DOC2B: variants seen among roughly 807,000 people sequenced by gnomAD.
DOC2B encodes the protein double C2-like domain-containing protein beta.
In DOC2B, 21 loss-of-function variants were observed where a neutral mutation model predicts 28.9. The observed-to-expected ratio is 0.73, with a 90% CI of 0.52 to 1.05. DOC2B has a LOEUF of 1.05. Among genes scored for constraint, DOC2B ranks in the 50% least tolerant of loss-of-function variants. The probability of loss-of-function intolerance (pLI) is 0.00; values close to 1 mark genes in which losing one functional copy is unlikely to be tolerated. For synonymous variants in DOC2B, 194 were observed against 178.1 expected (o/e 1.09, Z -0.71); for missense variants, 384 against 421.1 (o/e 0.91, Z 0.77).
intron 5 of DOC2B, among the ~76,000 whole-genome samples, chr17:156,880 G>T (rs1230794661): frequency 6.6e-6 from 1 of 152,204 alleles, no homozygotes; most frequent in Non-Finnish European, 1.5e-5. Flanking sequence ...TGCCCAGCTG[G>T]TTCTTACTTT....
At chr17:154,181 C>T (rs1046433785) in intron 6 of DOC2B, among the ~76,000 whole-genome samples, 3 of 150,576 alleles carry the variant, frequency 2.0e-5, no homozygotes, top group African/African-American at 7.4e-5. Context: ...TGATATTCCA[C>T]GCACCTGCTA....
rs2040011779 is a variant in DOC2B, at chr17:145,414, T to C, written c.*2027A>G. 1 of 152,206 alleles carries C rather than the reference T, an allele frequency of 6.6e-6. No homozygotes were observed. The highest frequency in any genetic ancestry group is 1.5e-5 in the Non-Finnish European group (1 of 68,060). The allele number at this position is 152,206 out of a possible 1,614,324, so 9.4% of individuals were successfully genotyped here. On this transcript the variant is annotated 3_prime_UTR_variant, in exon 9 of 9. Transcript: ENST00000613549. Reference sequence around the variant, plus strand: ...ACTACTCAGACTCTGGGAACCTGTTTCACCTGCAAGATGGGGATGAGAATC... The same window carrying C: ...ACTACTCAGACTCTGGGAACCTGTTCCACCTGCAAGATGGGGATGAGAATC...
intron 1 of DOC2B, among the ~76,000 whole-genome samples, chr17:178,010 T>C (rs1184729203): frequency 2.6e-5 from 4 of 152,262 alleles, no homozygotes; most frequent in African/African-American, 9.6e-5. Flanking sequence ...TGGGGACTTC[T>C]GGGAGAGGTT....
At chr17:152,675 G>A (rs1597816093) in intron 6 of DOC2B, among the ~76,000 whole-genome samples, 1 of 152,202 alleles carries the variant, frequency 6.6e-6, no homozygotes, top group African/African-American at 2.4e-5. Context: ...AGGAGGCTGA[G>A]GGGGAAGGAC....
At chr17:177,552 C>G (rs1345672130) in intron 1 of DOC2B, among the ~76,000 whole-genome samples, 3 of 152,364 alleles carry the variant, frequency 2.0e-5, no homozygotes, top group African/African-American at 7.2e-5. Flanking sequence ...GCTGAGCCCT[C>G]TCTGTGAGTG....
chr17:172,572 TCTC>T lies in DOC2B; in HGVS notation c.415_417del (p.Glu139del), dbSNP rs772430564. The T allele has an allele frequency of 3.6e-5, 56 of 1,550,790 alleles. No homozygotes were observed. Among genetic ancestry groups the T allele is most frequent in the Non-Finnish European group, 4.7e-5 (54 of 1,146,508 alleles). The stretch of plus-strand genomic sequence containing the variant: ...GTGATGGTGCAGTGGAGGGCGTTGT[TCTC>T]CTGGTCATACAGCAGGCTGAAGTCC... On this transcript the variant is annotated inframe_deletion, in exon 2 of 9. Transcript: ENST00000613549.
At chr17:153,602 G>A (rs2040096502) in intron 6 of DOC2B, among the ~76,000 whole-genome samples, 1 of 152,056 alleles carries the variant, frequency 6.6e-6, no homozygotes, top group Non-Finnish European at 1.5e-5. Flanking sequence ...TTGGGAAGCT[G>A]AGGGATGAGA....
chr17:162,448 A>T (rs2040216175), intron 3 of DOC2B, among the ~76,000 whole-genome samples: 1 of 152,160 alleles, frequency 6.6e-6, no homozygotes, highest in Non-Finnish European at 1.5e-5. Flanking sequence ...ACAGTCAGGG[A>T]CGTCACCAAG....
In DOC2B at chr17:164,271, T is replaced by C. The variant is rs1241856490; in HGVS notation, c.454-67A>G. The C allele has an allele frequency of 3.5e-5, 45 of 1,275,096 alleles. 3 individuals are homozygous for C. In the South Asian group the frequency reaches 5.5e-4, roughly 16 times the overall value. 79.0% of individuals were successfully genotyped at this position (1,275,096 alleles called of 1,614,324 possible). A position where few individuals can be genotyped will look rare whatever the true frequency, so the allele number is the denominator to read the frequency against. On this transcript the variant is annotated intron_variant, in intron 2 of 8. Coordinates refer to ENST00000613549, the MANE Select transcript of DOC2B (RefSeq NM_003585.5). ...ACATGGAACTGACAGGGCCTGCAGATGCCCTTGTCCCCTGGGTCTCCTGGC... is the reference window on the plus strand; with the variant it reads ...ACATGGAACTGACAGGGCCTGCAGACGCCCTTGTCCCCTGGGTCTCCTGGC...
chr17:153,167 GGC>G (rs1240216595), intron 6 of DOC2B, among the ~76,000 whole-genome samples: 2 of 152,176 alleles, frequency 1.3e-5, no homozygotes, highest in Non-Finnish European at 1.5e-5. Context: ...CACGTGACCT[GGC>G]CCACGGCTGG....
intron 6 of DOC2B, among the ~76,000 whole-genome samples, chr17:155,703 G>T (rs543251237): frequency 7.9e-5 from 12 of 152,342 alleles, no homozygotes; most frequent in Admixed American, 7.8e-4. Context: ...CTGCGGCCCA[G>T]GCCACCTGGC....
At chr17:175,023 T>G (rs1203706333) in intron 1 of DOC2B, among the ~76,000 whole-genome samples, 4 of 152,228 alleles carry the variant, frequency 2.6e-5, no homozygotes, top group Non-Finnish European at 5.9e-5. Flanking sequence ...GTGGATCACT[T>G]GAGCCCAGGA....
At chr17:150,991 C>A (rs971846001) in intron 6 of DOC2B, among the ~76,000 whole-genome samples, 2 of 152,190 alleles carry the variant, frequency 1.3e-5, no homozygotes, top group African/African-American at 4.8e-5. Context: ...AGACAGAAAA[C>A]AGGTGAGTGG....
chr17:148,148 C>T (rs1383682289), intron 8 of DOC2B, 25 bp downstream of exon 8: 6 of 398,570 alleles, frequency 1.5e-5, no homozygotes, highest in Non-Finnish European at 2.2e-5. Flanking sequence ...CACAGTGAGA[C>T]GGTGTTCCCA....
chr17:153,120 A>G (rs2040090460), intron 6 of DOC2B, among the ~76,000 whole-genome samples: 1 of 152,098 alleles, frequency 6.6e-6, no homozygotes. Context: ...GCTCAGATAC[A>G]GGGAGTGGCC....
intron 2 of DOC2B, among the ~76,000 whole-genome samples, chr17:172,134 G>C (rs564705105): frequency 5.8e-4 from 89 of 152,168 alleles, no homozygotes; most frequent in African/African-American, 2.0e-3. Context: ...TCGGCTTCCA[G>C]GGTGCAAAGT....
At chr17:158,872 C>T (rs1052617740) in intron 5 of DOC2B, among the ~76,000 whole-genome samples, 1 of 152,010 alleles carries the variant, frequency 6.6e-6, no homozygotes, top group Non-Finnish European at 1.5e-5. Context: ...TGGTGAAACC[C>T]CATCTCTACT....
chr17:148,076 C>T (rs951720777), intron 8 of DOC2B, 97 bp downstream of exon 8: 6 of 397,538 alleles, frequency 1.5e-5, no homozygotes, highest in Non-Finnish European at 2.7e-5. Context: ...GCAGGTGGTC[C>T]GTGGCTCCAG....
chr17:155,749 C>T (rs932398382), intron 6 of DOC2B, among the ~76,000 whole-genome samples: 49 of 152,320 alleles, frequency 3.2e-4, no homozygotes, highest in African/African-American at 1.1e-3. Flanking sequence ...CCCAGGCCCA[C>T]CATCAGCCCT....
Sources: allele counts gnomAD v4.1 joint callset (sites outside exome capture counted in the v4.1 genomes callset), GRCh38; gene constraint gnomAD v4.1.1; transcripts MANE v1.5; gene names NCBI Gene and HGNC (gene_info 2026-07-23, HGNC 2026-07-21).